LRRC7: variants seen among roughly 807,000 people sequenced by gnomAD.
The protein encoded by LRRC7 is leucine rich repeat containing 7, also known as leucine-rich repeat-containing protein 7.
In LRRC7, 23 loss-of-function variants were observed where a neutral mutation model predicts 175.7. The ratio of observed to expected loss-of-function variants is 0.13; its 90% CI spans 0.09 to 0.19. The LOEUF (loss-of-function observed/expected upper bound fraction) is 0.19, where lower values mean the gene tolerates loss of function less well. Ranked by LOEUF, LRRC7 falls within the 10% of genes least tolerant of loss-of-function variation. The pLI is 1.00. For missense variants in LRRC7, 1,354 were observed against 1,904.7 expected, an observed-to-expected ratio of 0.71 and a Z score of 5.38; for synonymous variants, 685 against 680.9, an observed-to-expected ratio of 1.01 and a Z score of -0.09.
chr1:69,907,210 G>T (rs937729841), intron 7 of LRRC7, among the ~76,000 whole-genome samples: 1 of 152,044 alleles, frequency 6.6e-6, no homozygotes, highest in East Asian at 1.9e-4. Context: ...CTGCAAACAG[G>T]GACAATTTGA....
At chr1:69,592,348 AGGCAG>A (rs1449917110) in intron 1 of LRRC7, among the ~76,000 whole-genome samples, 2 of 152,120 alleles carry the variant, frequency 1.3e-5, no homozygotes, top group African/African-American at 4.8e-5. Flanking sequence ...TCTCAAATTC[AGGCAG>A]ATTGTATTGT....
chr1:69,604,719 G>C (rs78742165), intron 1 of LRRC7, among the ~76,000 whole-genome samples: 6,043 of 151,616 alleles, frequency 0.04, 168 homozygotes, highest in East Asian at 0.1. Context: ...ACATTCCCTG[G>C]GTTTGCTTAC....
intron 8 of LRRC7, among the ~76,000 whole-genome samples, chr1:69,970,215 C>G (rs1350472675): frequency 1.3e-5 from 2 of 152,044 alleles, no homozygotes; most frequent in Admixed American, 6.5e-5. Flanking sequence ...GGTAACATCT[C>G]AAGGAACTAG....
chr1:69,692,813 A>G (rs1473610191), intron 2 of LRRC7, among the ~76,000 whole-genome samples: 1 of 152,104 alleles, frequency 6.6e-6, no homozygotes, highest in Non-Finnish European at 1.5e-5. Flanking sequence ...CATTATTTCC[A>G]GGTGTGTCTA....
At chr1:69,857,908 C>G (rs2101513851) in intron 7 of LRRC7, among the ~76,000 whole-genome samples, 1 of 152,298 alleles carries the variant, frequency 6.6e-6, no homozygotes, top group East Asian at 1.9e-4. Context: ...CGTACCAAAA[C>G]AGAGATATAG....
In LRRC7 at chr1:70,122,549, G is replaced by A. The variant is rs1018479418; in HGVS notation, c.*662G>A. 1.3e-5 allele frequency: 2 copies of A among 151,946 alleles called. No homozygotes were observed. The highest frequency in any genetic ancestry group is 2.9e-5 in the Non-Finnish European group (2 of 67,906). The allele number at this position is 151,946 out of a possible 1,614,324, so 9.4% of individuals were successfully genotyped here. On this transcript the variant is annotated 3_prime_UTR_variant, in exon 27 of 27. Coordinates refer to ENST00000651989, the MANE Select transcript of LRRC7 (RefSeq NM_001370785.2). ...ATTTGCTAAATTCTCATGACACAGAGTGAAATATTTCATAAATTAGCCATT... is the reference window on the plus strand; with the variant it reads ...ATTTGCTAAATTCTCATGACACAGAATGAAATATTTCATAAATTAGCCATT...
intron 25 of LRRC7, among the ~76,000 whole-genome samples, chr1:70,095,793 T>C (rs965644323): frequency 2.6e-5 from 4 of 152,202 alleles, no homozygotes; most frequent in Non-Finnish European, 5.9e-5. Context: ...ATGTGTACTT[T>C]GGAACCTAAA....
intron 3 of LRRC7, 51 bp downstream of exon 3, chr1:69,760,444 T>A: frequency 6.9e-7 from 1 of 1,444,342 alleles, no homozygotes; most frequent in Non-Finnish European, 9.7e-7. Flanking sequence ...TTTCATAATT[T>A]TCAAATACTT....
At chr1:69,877,379 A>G (rs79303409) in intron 7 of LRRC7, among the ~76,000 whole-genome samples, 5 of 152,096 alleles carry the variant, frequency 3.3e-5, no homozygotes, top group Non-Finnish European at 5.9e-5. Context: ...CTTGAGGCCA[A>G]GAGTTTGAGG....
chr1:70,143,707 A>AAAT lies in LRRC7; in HGVS notation c.*21821_*21823dup, dbSNP rs1667177055. 1 of 152,162 alleles carries AAAT rather than the reference A, an allele frequency of 6.6e-6. No homozygotes were observed. Among genetic ancestry groups the AAAT allele is most frequent in the South Asian group, 2.1e-4 (1 of 4,830 alleles). 9.4% of individuals were successfully genotyped at this position (152,162 alleles called of 1,614,324 possible). On this transcript the variant is annotated 3_prime_UTR_variant, in exon 27 of 27. Coordinates refer to ENST00000651989, the MANE Select transcript of LRRC7 (RefSeq NM_001370785.2). ...GGGTGTACTCTAGCCAATTCAAAAC[A>AAAT]AATTGCTTACTTTAATAATACAATT...
intron 8 of LRRC7, among the ~76,000 whole-genome samples, chr1:69,966,116 A>C (rs902090358): frequency 3.3e-5 from 5 of 152,164 alleles, no homozygotes; most frequent in African/African-American, 4.8e-5. Flanking sequence ...ATTTAGAAAA[A>C]AATGTAATAA....
intron 2 of LRRC7, among the ~76,000 whole-genome samples, chr1:69,754,084 C>A (rs559371176): frequency 6.6e-6 from 1 of 152,016 alleles, no homozygotes; most frequent in African/African-American, 2.4e-5. Flanking sequence ...TGCAATGGGG[C>A]TGGGTGTGAA....
chr1:69,940,417 G>A lies in LRRC7; in HGVS notation c.711+8847G>A, dbSNP rs186372139. 2.4e-3 allele frequency among the ~76,000 whole-genome samples: 365 copies of A among 152,084 alleles called. 7 individuals are homozygous for A. Among genetic ancestry groups the A allele is most frequent in the Admixed American group, 0.015 (232 of 15,244 alleles). On this transcript the variant is annotated intron_variant, in intron 8 of 26. Coordinates refer to ENST00000651989, the MANE Select transcript of LRRC7 (RefSeq NM_001370785.2). ...CACTATGAATGAAATTAATTAGCTC[G>A]GTTTGCGTTTCCATAAATGGATTTT...
At chr1:69,613,097 T>A (rs1014293709) in intron 1 of LRRC7, among the ~76,000 whole-genome samples, 5 of 152,076 alleles carry the variant, frequency 3.3e-5, no homozygotes, top group Non-Finnish European at 7.4e-5. Context: ...CAGTTTGGCC[T>A]GCTATAACAA....
At chr1:69,683,829 T>C (rs1660791739) in intron 2 of LRRC7, among the ~76,000 whole-genome samples, 1 of 152,156 alleles carries the variant, frequency 6.6e-6, no homozygotes, top group South Asian at 2.1e-4. Context: ...TTAAAATCTT[T>C]ACTGGAGTCA....
intron 1 of LRRC7, among the ~76,000 whole-genome samples, chr1:69,605,231 C>T (rs978564774): frequency 6.6e-6 from 1 of 152,184 alleles, no homozygotes; most frequent in African/African-American, 2.4e-5. Flanking sequence ...TCCCCCTACA[C>T]AAGCTCTCTT....
intron 1 of LRRC7, among the ~76,000 whole-genome samples, chr1:69,628,967 C>G (rs1417594401): frequency 6.6e-6 from 1 of 151,954 alleles, no homozygotes; most frequent in African/African-American, 2.4e-5. Context: ...CAAAAAATAG[C>G]TCAAAATGGA....
rs1290301294 is a variant in LRRC7 at position 69,631,627 on chromosome 1, A to G, written c.3-46754A>G. Among the ~76,000 whole-genome samples the G allele has an allele frequency of 2.0e-5, 3 of 152,180 alleles. No individual in the cohort carries two copies. The East Asian group carries it at 5.8e-4, about 30-fold the overall frequency. On this transcript the variant is annotated intron_variant, in intron 1 of 26. Coordinates refer to ENST00000651989, the MANE Select transcript of LRRC7 (RefSeq NM_001370785.2). ...GCCCCATGAGAGCTTTTTTGGCAAG[A>G]GTTGCCAAAAAGTAAAGAGAAAATG... is the stretch of plus-strand genomic sequence containing the variant.
intron 23 of LRRC7, among the ~76,000 whole-genome samples, chr1:70,068,286 A>G (rs1662124111): frequency 6.6e-6 from 1 of 152,028 alleles, no homozygotes; most frequent in South Asian, 2.1e-4. Context: ...CTCTATTCCT[A>G]TTTCTCTGAA....
Sources: allele counts gnomAD v4.1 joint callset (sites outside exome capture counted in the v4.1 genomes callset), GRCh38; gene constraint gnomAD v4.1.1; transcripts MANE v1.5; gene names NCBI Gene and HGNC (gene_info 2026-07-23, HGNC 2026-07-21).